The following ADGRB3 variants were observed in gnomAD, a reference collection of about 807,000 sequenced individuals.
The protein encoded by ADGRB3 is adhesion G protein-coupled receptor B3, also known as brain-specific angiogenesis inhibitor 3.
A neutral mutation model predicts 193.4 loss-of-function variants in ADGRB3; 37 were observed. That is an observed-to-expected ratio of 0.19 (90% CI 0.15 to 0.25). ADGRB3 has a LOEUF of 0.25. Ranked by LOEUF, ADGRB3 falls within the 10% of genes least tolerant of loss-of-function variation. The pLI is 1.00. For synonymous variants in ADGRB3, 690 were observed against 644.2 expected (o/e 1.07, Z -1.08); for missense variants, 1,637 against 1,852.9 (o/e 0.88, Z 2.14).
rs547259472 is a variant in ADGRB3 at position 69,258,545 on chromosome 6, T to G, written c.2814+19319T>G. On this transcript the variant is annotated intron_variant, in intron 20 of 31. Transcript: ENST00000370598. ...GCAGAAATAAATTACCTTTATGTATTTAAAATGTTAGGGCTTACAGCCATT... is the reference window on the plus strand; with the variant it reads ...GCAGAAATAAATTACCTTTATGTATGTAAAATGTTAGGGCTTACAGCCATT... Among the ~76,000 whole-genome samples the G allele has an allele frequency of 2.3e-4, 35 of 152,388 alleles. No individual in the cohort carries two copies. In the East Asian group the frequency reaches 4.0e-3, roughly 18 times the overall value.
At chr6:69,217,833 G>A (rs1765799160) in intron 17 of ADGRB3, among the ~76,000 whole-genome samples, 1 of 152,052 alleles carries the variant, frequency 6.6e-6, no homozygotes, top group African/African-American at 2.4e-5. Context: ...AGTGAGATGT[G>A]AACTGGACAG....
intron 13 of ADGRB3, among the ~76,000 whole-genome samples, chr6:69,024,377 G>T (rs985348879): frequency 6.6e-6 from 1 of 152,162 alleles, no homozygotes; most frequent in African/African-American, 2.4e-5. Flanking sequence ...TCAAGGAAAA[G>T]TGCAGACACA....
At chr6:68,743,775 T>C (rs1302377733) in intron 3 of ADGRB3, among the ~76,000 whole-genome samples, 1 of 152,056 alleles carries the variant, frequency 6.6e-6, no homozygotes, top group Admixed American at 6.6e-5. Flanking sequence ...AATAACAGAA[T>C]TGTAGCAGTT....
At chr6:68,914,227 A>C (rs920887295) in intron 3 of ADGRB3, among the ~76,000 whole-genome samples, 1 of 150,782 alleles carries the variant, frequency 6.6e-6, no homozygotes, top group African/African-American at 2.4e-5. Flanking sequence ...GAGCAACTCC[A>C]AGACACATAA....
intron 3 of ADGRB3, among the ~76,000 whole-genome samples, chr6:68,900,069 T>A (rs13199576): frequency 0.31 from 46,645 of 151,926 alleles, 7,670 homozygotes; most frequent in Middle Eastern, 0.53. Flanking sequence ...TACACAGTAG[T>A]TTCTCAGTAA....
chr6:68,695,387 CT>C (rs891557841), intron 3 of ADGRB3, among the ~76,000 whole-genome samples: 132 of 152,116 alleles, frequency 8.7e-4, no homozygotes, highest in Non-Finnish European at 5.3e-4. Context: ...AGTGTAATTT[CT>C]TCTTGCACTC....
intron 20 of ADGRB3, among the ~76,000 whole-genome samples, chr6:69,290,010 A>G (rs1231014209): frequency 1.3e-5 from 2 of 151,906 alleles, no homozygotes; most frequent in African/African-American, 4.8e-5. Flanking sequence ...TTGTGTTTTC[A>G]CTGGTTACTG....
At chr6:69,075,904 A>G (rs184901971) in intron 16 of ADGRB3, 91 bp from the exon 17 acceptor site, 40 of 949,770 alleles carry the variant, frequency 4.2e-5, no homozygotes, top group Admixed American at 3.8e-4. Flanking sequence ...AAGATAAGAA[A>G]TCTTCCATTC....
intron 31 of ADGRB3, among the ~76,000 whole-genome samples, chr6:69,385,116 A>T (rs747947509): frequency 6.6e-6 from 1 of 151,922 alleles, no homozygotes; most frequent in Non-Finnish European, 1.5e-5. Flanking sequence ...TTTAAATCAC[A>T]CTAAAAAAGA....
At chr6:69,106,061 G>A (rs1773202487) in intron 17 of ADGRB3, among the ~76,000 whole-genome samples, 1 of 146,122 alleles carries the variant, frequency 6.8e-6, no homozygotes, top group Non-Finnish European at 1.5e-5. Flanking sequence ...TAAGACAGAA[G>A]AATAGAAGAA....
At chr6:69,283,683 G>A (rs960361144) in intron 20 of ADGRB3, among the ~76,000 whole-genome samples, 59 of 151,958 alleles carry the variant, frequency 3.9e-4, no homozygotes, top group African/African-American at 1.4e-3. Context: ...ATTACAAAGA[G>A]TCATAAAAAA....
chr6:68,675,418 A>C (rs959622894), intron 3 of ADGRB3, among the ~76,000 whole-genome samples: 1 of 152,224 alleles, frequency 6.6e-6, no homozygotes. Flanking sequence ...AGGAGAAAAA[A>C]GGAAATTATT....
chr6:68,736,376 T>C (rs1765871872), intron 3 of ADGRB3, among the ~76,000 whole-genome samples: 1 of 152,152 alleles, frequency 6.6e-6, no homozygotes, highest in African/African-American at 2.4e-5. Context: ...TCTATTGTAA[T>C]AAAATATAAT....
chr6:69,187,464 A>G (rs1187503511), intron 17 of ADGRB3, among the ~76,000 whole-genome samples: 2 of 152,178 alleles, frequency 1.3e-5, no homozygotes, highest in Non-Finnish European at 2.9e-5. Context: ...TCTGTATTAC[A>G]GGTCTCTGCT....
At chr6:68,752,842 A>T (rs1364014897) in intron 3 of ADGRB3, among the ~76,000 whole-genome samples, 1 of 152,206 alleles carries the variant, frequency 6.6e-6, no homozygotes, top group East Asian at 1.9e-4. Context: ...CACTTGTGAG[A>T]TATTTCAGTG....
intron 13 of ADGRB3, among the ~76,000 whole-genome samples, chr6:69,040,372 T>TCTTTCTTTCTTC: frequency 2.0e-5 from 1 of 50,730 alleles, no homozygotes; most frequent in Admixed American, 2.5e-4. Context: ...TTTCTTTCTT[T>TCTTTCTTTCTTC]CTTTCCTTCT....
intron 17 of ADGRB3, among the ~76,000 whole-genome samples, chr6:69,157,700 TA>T (rs35319098): frequency 4.2e-3 from 581 of 138,082 alleles, no homozygotes; most frequent in Middle Eastern, 7.2e-3. Flanking sequence ...TATCTCTCTG[TA>T]AAAAAAAAAA....
At chr6:68,766,328 A>C (rs1363606054) in intron 3 of ADGRB3, among the ~76,000 whole-genome samples, 1 of 151,946 alleles carries the variant, frequency 6.6e-6, no homozygotes, top group African/African-American at 2.4e-5. Flanking sequence ...ATTTCACTGT[A>C]GGTACTATAC....
At chr6:69,264,628 G>A (rs760866579) in intron 20 of ADGRB3, among the ~76,000 whole-genome samples, 109 of 151,184 alleles carry the variant, frequency 7.2e-4, no homozygotes, top group Non-Finnish European at 1.3e-3. Flanking sequence ...TTGCATTCTC[G>A]CTCTAGGTCT....
Sources: gnomAD v4.1 joint callset for allele counts (sites outside exome capture counted in the v4.1 genomes callset) on GRCh38, gnomAD v4.1.1 for gene constraint, MANE v1.5 for transcripts, NCBI Gene and HGNC (gene_info 2026-07-23, HGNC 2026-07-21) for gene names.